TET3: variants seen among roughly 807,000 people sequenced by gnomAD.
TET3 encodes the protein tet methylcytosine dioxygenase 3, also known as methylcytosine dioxygenase TET3.
Under a neutral mutation model 141.4 loss-of-function variants are expected in TET3, and 19 were observed. The ratio of observed to expected loss-of-function variants is 0.13; its 90% CI spans 0.09 to 0.20. TET3 has a LOEUF of 0.20. TET3 is among the 10% of genes least tolerant of loss of function. TET3 has a pLI of 1.00. For synonymous variants in TET3, 1,043 were observed against 980.9 expected (o/e 1.06, Z -1.18); for missense variants, 1,874 against 2,356.9 (o/e 0.80, Z 4.24).
rs748561400 is a variant in TET3, at chr2:74,099,309, G to T, written c.3301G>T (p.Val1101Leu). ...CCTGACCAAGGAAGACAATCGCTGC[G>T]TGGGCAAGATTCCCGAGGATGAGCA... The part of the protein sequence containing the change: ...CTLTKEDNRC[V>L]GKIPEDEQLH... The change falls in exon 11 of 12, where the codon GTG becomes TTG. Residue 1101 changes from valine to leucine, a missense_variant. This residue lies in a region of TET3 where 53 missense variants were observed against 112.8 expected (regional missense o/e 0.47). Coordinates refer to ENST00000409262, the MANE Select transcript of TET3 (RefSeq NM_001287491.2). 1 of 1,610,156 alleles carries T rather than the reference G, an allele frequency of 6.2e-7. No homozygotes were observed. Among genetic ancestry groups the T allele is most frequent in the Admixed American group, 1.7e-5 (1 of 59,564 alleles).
chr2:74,015,439 A>T (rs970313872), intron 3 of TET3, among the ~76,000 whole-genome samples: 3 of 152,210 alleles, frequency 2.0e-5, no homozygotes, highest in African/African-American at 7.2e-5. Flanking sequence ...ATCTTTCCAG[A>T]CTTAAAAATG....
At position 74,047,073 on chromosome 2, in the gene TET3, G is replaced by A. The variant is rs762270039; in HGVS notation, c.1156G>A (p.Glu386Lys). 6.2e-7 allele frequency: 1 copy of A among 1,613,800 alleles called. No individual in the cohort carries two copies. The highest frequency in any genetic ancestry group is 2.2e-5 in the East Asian group (1 of 44,854). ...STPQASCPLPEALSPPAPFRS... is the reference protein window; with the variant it reads ...STPQASCPLPKALSPPAPFRS... ...CCCCCAGGCTTCTTGCCCCCTTCCT[G>A]AGGCCTTGTCACCTCCTGCCCCTTT... The change falls in exon 4 of 12, where the codon GAG (glutamate) becomes AAG (lysine). Residue 386 changes from glutamate to lysine, a missense_variant. Around this residue, in one of 10 missense-constraint regions of TET3, gnomAD observed 484 missense variants for 462.2 expected, o/e 1.05. Transcript: ENST00000409262.
intron 2 of TET3, among the ~76,000 whole-genome samples, chr2:73,989,296 C>G (rs1034003298): frequency 6.6e-6 from 1 of 152,140 alleles, no homozygotes; most frequent in Non-Finnish European, 1.5e-5. Context: ...TCCTAGGATC[C>G]TCTCGGACAT....
rs202078503 is a variant in TET3, at chr2:74,047,047, C to G, written c.1130C>G (p.Thr377Ser). Residue 377 changes from threonine (T) to serine (S), a missense_variant, in exon 4 of 12, where the codon ACC becomes AGC. By Grantham distance (58) the Thr-to-Ser change is moderately conservative. Coordinates refer to ENST00000409262, the MANE Select transcript of TET3 (RefSeq NM_001287491.2). Reference sequence around the variant, plus strand: ...GCCCTCCCGCAGCCTTCTCATTCCACCCCCCAGGCTTCTTGCCCCCTTCCT... The same window carrying G: ...GCCCTCCCGCAGCCTTCTCATTCCAGCCCCCAGGCTTCTTGCCCCCTTCCT... ...SSALPQPSHS[T>S]PQASCPLPEA... 2 of 1,613,832 alleles carry G rather than the reference C, an allele frequency of 1.2e-6. No individual in the cohort carries two copies. Among genetic ancestry groups the G allele is most frequent in the Non-Finnish European group, 1.7e-6 (2 of 1,179,840 alleles).
chr2:74,123,769 G>A, the TET3 span, among the ~76,000 whole-genome samples: 32,653 of 150,794 alleles, frequency 0.22, 3,897 homozygotes, highest in East Asian at 0.48. Context: ...AGTCTGGGAA[G>A]TGAGGAGCGC....
At chr2:74,072,785 C>T (rs1387100782) in intron 4 of TET3, among the ~76,000 whole-genome samples, 2 of 152,226 alleles carry the variant, frequency 1.3e-5, no homozygotes, top group Non-Finnish European at 2.9e-5. Flanking sequence ...AACCTCTCAT[C>T]TACTTTCTGT....
At chr2:74,132,403 C>T in the TET3 span, among the ~76,000 whole-genome samples, 22 of 152,294 alleles carry the variant, frequency 1.4e-4, no homozygotes, top group African/African-American at 5.3e-4. Context: ...CTTCCCACGG[C>T]CTGAACAGGA....
At chr2:74,099,241 A>C in intron 10 of TET3, 35 bp from the exon 11 acceptor site, 2 of 1,527,226 alleles carry the variant, frequency 1.3e-6, no homozygotes, top group Non-Finnish European at 1.8e-6. Flanking sequence ...CGGTCCCCCA[A>C]CCCCATGTCC....
Position 74,105,927 on chromosome 2 carries a change from GAA to G in TET3, c.*3752_*3753del, listed in dbSNP as rs1691475967. On this transcript the variant is annotated 3_prime_UTR_variant, in exon 12 of 12. Transcript: ENST00000409262. ...CCAGTATCTCTTTCCTTTTGTTACTGAAGTGTGTTTTATGGACTAGGAAGCAT... is the reference window on the plus strand; with the variant it reads ...CCAGTATCTCTTTCCTTTTGTTACTGGTGTGTTTTATGGACTAGGAAGCAT... 6.5e-6 allele frequency: 1 copy of G among 153,870 alleles called. No individual in the cohort carries two copies. The highest frequency in any genetic ancestry group is 1.5e-5 in the Non-Finnish European group (1 of 68,156). The allele number at this position is 153,870 out of a possible 1,614,324, so 9.5% of individuals were successfully genotyped here.
intron 3 of TET3, among the ~76,000 whole-genome samples, chr2:74,016,881 T>C (rs750059888): frequency 1.3e-5 from 2 of 151,192 alleles, no homozygotes; most frequent in African/African-American, 2.4e-5. Flanking sequence ...ATGTATATAA[T>C]GTATAATCAT....
At chr2:74,084,549 T>C (rs1486160235) in intron 6 of TET3, among the ~76,000 whole-genome samples, 1 of 151,384 alleles carries the variant, frequency 6.6e-6, no homozygotes, top group Non-Finnish European at 1.5e-5. Flanking sequence ...GCCTCCTGGG[T>C]TCACGCCATT....
At chr2:74,080,699 C>CGGGGGT in intron 6 of TET3, 108 bp downstream of exon 6, 1 of 405,670 alleles carries the variant, frequency 2.5e-6, no homozygotes, top group Admixed American at 5.8e-5. Context: ...CAGGCGAGGG[C>CGGGGGT]GGGGGGTGGG....
Position 74,073,637 on chromosome 2 carries a change from G to A in TET3, c.2583G>A (p.Glu861=). 1 of 1,609,468 alleles carries A rather than the reference G, an allele frequency of 6.2e-7. No homozygotes were observed. The highest frequency in any genetic ancestry group is 1.1e-5 in the South Asian group (1 of 89,908). The change falls in exon 5 of 12, where the codon GAG becomes GAA. Residue 861 remains glutamate (E), a splice_region_variant and synonymous_variant. Coordinates refer to ENST00000409262, the MANE Select transcript of TET3 (RefSeq NM_001287491.2). ...CCTCTATCCGGGAACTCATGGAGGA[G>A]CGGTGAGTGATACACAGATGTCCAA... is the stretch of plus-strand genomic sequence containing the variant. The part of the protein sequence containing the change: ...TVASIRELME[E]RYGEKGKAIR...
intron 6 of TET3, among the ~76,000 whole-genome samples, chr2:74,083,545 C>T (rs1457236636): frequency 6.6e-6 from 1 of 152,170 alleles, no homozygotes; most frequent in Non-Finnish European, 1.5e-5. Context: ...GTTGAGGATC[C>T]TGTGGCTGAG....
rs778907265 is a variant in TET3, at chr2:74,047,847, C to T, written c.1930C>T (p.Pro644Ser). 7 of 1,612,406 alleles carry T rather than the reference C, an allele frequency of 4.3e-6. No homozygotes were observed. In the South Asian group the frequency reaches 7.7e-5, roughly 18 times the overall value. The change falls in exon 4 of 12, where the codon CCA becomes TCA. Residue 644 changes from proline (P) to serine (S), a missense_variant. Pro to Ser is a moderately conservative substitution (Grantham distance 74). Coordinates refer to ENST00000409262, the MANE Select transcript of TET3 (RefSeq NM_001287491.2). ...SPASQEVQAH[P>S]PAPLPASQGS... ...AGCCTCCCAGGAAGTGCAGGCTCATCCACCGGCCCCTCTGCCTGCCTCACA... is the reference window on the plus strand; with the variant it reads ...AGCCTCCCAGGAAGTGCAGGCTCATTCACCGGCCCCTCTGCCTGCCTCACA...
chr2:74,127,417 A>G, the TET3 span, among the ~76,000 whole-genome samples: 22,961 of 152,194 alleles, frequency 0.15, 2,450 homozygotes, highest in East Asian at 0.41. Context: ...TATTGTAGTG[A>G]GAAAATCAGC....
chr2:74,068,843 A>G (rs1377020029), intron 4 of TET3, among the ~76,000 whole-genome samples: 1 of 152,190 alleles, frequency 6.6e-6, no homozygotes, highest in Non-Finnish European at 1.5e-5. Context: ...AACCATTGGT[A>G]TCTTTTTTTC....
At chr2:74,080,627 C>T (rs1383525012) in intron 6 of TET3, 36 bp downstream of exon 6, 26 of 1,579,396 alleles carry the variant, frequency 1.6e-5, no homozygotes, top group Non-Finnish European at 2.2e-5. Context: ...CACAGCTGTG[C>T]CTGGTTCCCC....
At position 74,080,588 on chromosome 2, in the gene TET3, G is replaced by A. The variant is rs375610562; in HGVS notation, c.2676G>A (p.Lys892=). Residue 892 remains lysine (K), a synonymous_variant, in exon 6 of 12, where the codon AAG becomes AAA. Transcript: ENST00000409262. The part of the protein sequence containing the change: ...GKSSRGCPIA[K]WVIRRHTLEE... ...GCTCCCGCGGTTGCCCCATTGCAAA[G>A]TGGGTGAGTGTTGAGCCCACTCAAG... is the stretch of plus-strand genomic sequence containing the variant. The A allele has an allele frequency of 1.2e-6, 2 of 1,610,164 alleles. No homozygotes were observed. The highest frequency in any genetic ancestry group is 2.7e-5 in the African/African-American group (2 of 74,792).
Sources: gnomAD v4.1 joint callset for allele counts (sites outside exome capture counted in the v4.1 genomes callset) on GRCh38, gnomAD v4.1.1 for gene constraint, gnomAD v4.1.1 regional missense constraint, MANE v1.5 for transcripts, NCBI Gene and HGNC (gene_info 2026-07-23, HGNC 2026-07-21) for gene names.